Variants in RAPGEF6 observed in about 807,000 individuals in gnomAD.
RAPGEF6 encodes the protein PDZ domain containing guanine nucleotide exchange factor (GEF) 2.
Under a neutral mutation model 171.4 loss-of-function variants are expected in RAPGEF6, and 56 were observed. That is an observed-to-expected ratio of 0.33 (90% CI 0.26 to 0.41). The LOEUF (loss-of-function observed/expected upper bound fraction) is 0.41. RAPGEF6 is among the 10% of genes least tolerant of loss of function. The probability of loss-of-function intolerance (pLI) is 1.00; values close to 1 mark genes in which losing one functional copy is unlikely to be tolerated. For synonymous variants in RAPGEF6, 692 were observed against 650.1 expected (o/e 1.06, Z -0.98); for missense variants, 1,674 against 1,921.4 (o/e 0.87, Z 2.41).
intron 1 of RAPGEF6, among the ~76,000 whole-genome samples, chr5:131,630,860 T>C (rs1176987987): frequency 6.6e-6 from 1 of 152,250 alleles, no homozygotes; most frequent in Non-Finnish European, 1.5e-5. Context: ...ATACTAATTC[T>C]CATCCCTTTG....
At chr5:131,458,319 T>TC (rs1753663059) in intron 19 of RAPGEF6, among the ~76,000 whole-genome samples, 2 of 151,878 alleles carry the variant, frequency 1.3e-5, no homozygotes, top group African/African-American at 4.8e-5. Flanking sequence ...GTGTGGCACT[T>TC]CCCCCCTCAC....
intron 15 of RAPGEF6, among the ~76,000 whole-genome samples, chr5:131,487,313 AGAGGGTGGAAGGGGACCCTG>A (rs1755972634): frequency 6.6e-6 from 1 of 152,248 alleles, no homozygotes; most frequent in African/African-American, 2.4e-5. Context: ...CAAAGCTTCC[AGAGGGTGGAAGGGGACCCTG>A]GCAGCTTGCC....
rs1441009249 is a variant in RAPGEF6, at chr5:131,459,402, G to A, written c.2864+2303C>T. On this transcript the variant is annotated intron_variant, in intron 19 of 27. Coordinates refer to ENST00000509018, the MANE Select transcript of RAPGEF6 (RefSeq NM_016340.6). ...TAACCTTATTAGGTAGGAACTACCAGGATTTCCCATTTGACAAATGAGGAA... is the reference window on the plus strand; with the variant it reads ...TAACCTTATTAGGTAGGAACTACCAAGATTTCCCATTTGACAAATGAGGAA... Among the ~76,000 whole-genome samples the A allele has an allele frequency of 2.0e-5, 3 of 152,130 alleles. No homozygotes were observed. The East Asian group carries it at 5.8e-4, about 29-fold the overall frequency.
intron 4 of RAPGEF6, among the ~76,000 whole-genome samples, chr5:131,564,981 T>A (rs889859694): frequency 8.5e-5 from 13 of 152,296 alleles, no homozygotes; most frequent in Admixed American, 2.0e-4. Flanking sequence ...GCATTTTTTT[T>A]ATCAGTACGT....
chr5:131,509,230 A>T lies in RAPGEF6; in HGVS notation c.806-1023T>A, dbSNP rs192958408. On this transcript the variant is annotated intron_variant, in intron 8 of 27. Coordinates refer to ENST00000509018, the MANE Select transcript of RAPGEF6 (RefSeq NM_016340.6). ...TAACTAGTTCTGTAAAATATTACAT[A>T]AAAAAATTTATAATGTTTTAAGAGT... Among the ~76,000 whole-genome samples, 485 of 152,264 alleles carry T rather than the reference A, an allele frequency of 3.2e-3. 3 individuals are homozygous for T. Among genetic ancestry groups the T allele is most frequent in the African/African-American group, 0.011 (461 of 41,554 alleles).
chr5:131,600,707 TA>T (rs1764190066), intron 3 of RAPGEF6, among the ~76,000 whole-genome samples: 1 of 152,044 alleles, frequency 6.6e-6, no homozygotes, highest in African/African-American at 2.4e-5. Context: ...TTAAAATGAC[TA>T]ATAAATATTT....
At chr5:131,574,091 C>T (rs1287148152) in intron 4 of RAPGEF6, among the ~76,000 whole-genome samples, 1 of 152,184 alleles carries the variant, frequency 6.6e-6, no homozygotes, top group East Asian at 1.9e-4. Flanking sequence ...AACATCCAAG[C>T]CACAGCTCCC....
chr5:131,561,941 A>G (rs764211900), intron 5 of RAPGEF6, 37 bp downstream of exon 5: 2 of 1,465,424 alleles, frequency 1.4e-6, no homozygotes, highest in Non-Finnish European at 1.9e-6. Context: ...AAACTGAAGC[A>G]TATCAAAAAC....
chr5:131,516,151 C>G (rs545579746), intron 7 of RAPGEF6, among the ~76,000 whole-genome samples: 1 of 133,676 alleles, frequency 7.5e-6, no homozygotes. Context: ...TGCAGTGGTG[C>G]GATCTTGGCT....
intron 1 of RAPGEF6, 83 bp from the exon 2 acceptor site, chr5:131,604,776 C>T: frequency 6.2e-6 from 9 of 1,443,352 alleles, no homozygotes; most frequent in Non-Finnish European, 8.3e-6. Context: ...TGATTTTAAG[C>T]AAACAACCAC....
intron 6 of RAPGEF6, among the ~76,000 whole-genome samples, chr5:131,527,798 A>G (rs985080880): frequency 1.3e-5 from 2 of 151,620 alleles, no homozygotes; most frequent in African/African-American, 4.8e-5. Context: ...GGCGGATCAC[A>G]AGGTCAGGAG....
At position 131,603,332 on chromosome 5, in the gene RAPGEF6, TA is replaced by T. The variant is rs560086016; in HGVS notation, c.141-6del. 19,460 of 1,320,286 alleles carry T rather than the reference TA, an allele frequency of 0.015. 91 individuals carry two copies. The highest frequency in any genetic ancestry group is 0.028 in the African/African-American group (1,846 of 65,540). The allele number at this position is 1,320,286 out of a possible 1,614,324, so 81.8% of individuals were successfully genotyped here. ...CGTGCTCTTGCAGACATTAATCTAT[TA>T]AAAAAAAAAATTGAAGATTTTATCT... On this transcript the variant is annotated splice_region_variant and splice_polypyrimidine_tract_variant and intron_variant, in intron 2 of 27. Coordinates refer to ENST00000509018, the MANE Select transcript of RAPGEF6 (RefSeq NM_016340.6).
intron 6 of RAPGEF6, among the ~76,000 whole-genome samples, chr5:131,531,588 T>C (rs914358475): frequency 6.6e-6 from 1 of 152,228 alleles, no homozygotes; most frequent in Non-Finnish European, 1.5e-5. Context: ...AATATTTTCA[T>C]ATAATTGATT....
At chr5:131,518,399 A>ATT (rs11436573) in intron 7 of RAPGEF6, among the ~76,000 whole-genome samples, 114 of 144,746 alleles carry the variant, frequency 7.9e-4, no homozygotes, top group Middle Eastern at 3.5e-3. Context: ...AGAGTTTGAA[A>ATT]TTTTTTTTTT....
chr5:131,602,021 C>T (rs1345475104), intron 3 of RAPGEF6, among the ~76,000 whole-genome samples: 4 of 134,660 alleles, frequency 3.0e-5, no homozygotes, highest in African/African-American at 1.1e-4. Context: ...GGCGACAGAG[C>T]GAGACTCCGT....
In RAPGEF6 at chr5:131,429,080, C is replaced by T; in HGVS notation, c.4602G>A (p.Val1534=). 1 of 1,614,142 alleles carries T rather than the reference C, an allele frequency of 6.2e-7. No homozygotes were observed. Among genetic ancestry groups the T allele is most frequent in the East Asian group, 2.2e-5 (1 of 44,878 alleles). The change falls in exon 27 of 28, where the codon GTG becomes GTA. Residue 1534 remains valine (V), a synonymous_variant. Transcript: ENST00000509018. ...HTHLKPPDYS[V]AVQRSKMMHN... ...GCATCATCTTTGACCTCTGCACTGC[C>T]ACACTATAATCTGGAGGTTTTAGGT...
intron 5 of RAPGEF6, among the ~76,000 whole-genome samples, chr5:131,556,834 T>G (rs1165535490): frequency 6.6e-6 from 1 of 152,218 alleles, no homozygotes; most frequent in Non-Finnish European, 1.5e-5. Flanking sequence ...AAAAGTAATA[T>G]CCTTACTATG....
intron 4 of RAPGEF6, among the ~76,000 whole-genome samples, chr5:131,574,995 T>G (rs1241984963): frequency 6.6e-6 from 1 of 152,144 alleles, no homozygotes; most frequent in East Asian, 1.9e-4. Context: ...ATCTTACAGG[T>G]TGGTTCAGGA....
At chr5:131,525,710 C>T (rs958976889) in intron 6 of RAPGEF6, among the ~76,000 whole-genome samples, 2 of 151,742 alleles carry the variant, frequency 1.3e-5, no homozygotes, top group African/African-American at 2.4e-5. Context: ...AAGGCAAACA[C>T]TGAAAATAGT....
Sources: gnomAD v4.1 joint callset for allele counts (sites outside exome capture counted in the v4.1 genomes callset) on GRCh38, gnomAD v4.1.1 for gene constraint, MANE v1.5 for transcripts, NCBI Gene and HGNC (gene_info 2026-07-23, HGNC 2026-07-21) for gene names.